The following TMIGD2 variants were observed in gnomAD, a reference collection of about 807,000 sequenced individuals.
TMIGD2 encodes transmembrane and immunoglobulin domain containing 2.
Under a neutral mutation model 22.6 loss-of-function variants are expected in TMIGD2, and 18 were observed. That is an observed-to-expected ratio of 0.80 (90% confidence interval 0.55 to 1.18). The LOEUF is 1.18. Among genes scored for constraint, TMIGD2 ranks in the 50% most tolerant of loss-of-function variants. TMIGD2 has a pLI of 0.00. For synonymous variants in TMIGD2, 184 were observed against 154.1 expected (o/e 1.19, Z -1.44); for missense variants, 361 against 378.2 (o/e 0.95, Z 0.38).
At chr19:4,298,015 C>T (rs773147408) in exon 2 of TMIGD2, 1 of 1,608,100 alleles carries the variant, frequency 6.2e-7, no homozygotes, top group Non-Finnish European at 8.5e-7. Flanking sequence ...TGTTATGTTG[C>T]CCTCAGCCTC....
In TMIGD2 at chr19:4,292,782, A is replaced by T; in HGVS notation, c.666T>A (p.Tyr222Ter). ...GGGCCGGTTGCGGGAAGGAGGTTGA[A>T]TAAATGCTCTGGCCCCTCTGGTCCT... The change falls in exon 5 of 5, where the codon TAT becomes TAA. Residue 222 changes from tyrosine to a stop codon, truncating the protein, a stop_gained. Coordinates refer to ENST00000301272, the Ensembl canonical transcript of TMIGD2. LOFTEE classifies it low-confidence loss of function (END_TRUNC). 6.2e-7 allele frequency: 1 copy of T among 1,611,774 alleles called. No homozygotes were observed. The highest frequency in any genetic ancestry group is 8.5e-7 in the Non-Finnish European group (1 of 1,179,510).
rs1971402773 is a variant in TMIGD2 at position 4,292,959 on chromosome 19, T to C, written c.563-74A>G. 1.9e-6 allele frequency: 3 copies of C among 1,545,784 alleles called. No individual in the cohort carries two copies. The South Asian group carries it at 3.6e-5, about 18-fold the overall frequency. On this transcript the variant is annotated intron_variant, in intron 4 of 4. Transcript: ENST00000301272. The stretch of plus-strand genomic sequence containing the variant: ...CTCTCCAGCTGACCTCTGGGGGATC[T>C]GTCTCTTTTTTTTTTTTTCTGTGAG...
chr19:4,292,977 T>G, intron 4 of TMIGD2, 92 bp from the exon 5 acceptor site: 3 of 1,459,614 alleles, frequency 2.1e-6, no homozygotes, highest in Admixed American at 2.2e-5. Context: ...TTTTTTTTTT[T>G]CTGTGAGACG....
intron 4 of TMIGD2, 137 bp downstream of exon 4, chr19:4,294,442 A>C: frequency 1.3e-6 from 1 of 792,330 alleles, no homozygotes; most frequent in Non-Finnish European, 2.1e-6. Context: ...TGAGCATAGG[A>C]TATAGGAGCC....
At chr19:4,300,797 C>T (rs1310924957) in intron 1 of TMIGD2, among the ~76,000 whole-genome samples, 3 of 152,210 alleles carry the variant, frequency 2.0e-5, no homozygotes, top group Non-Finnish European at 4.4e-5. Context: ...AGCGAGGAGG[C>T]CCGTGTGGCT....
At chr19:4,292,985 A>G (rs1971403665) in intron 4 of TMIGD2, 100 bp from the exon 5 acceptor site, 9 of 1,526,148 alleles carry the variant, frequency 5.9e-6, no homozygotes, top group Non-Finnish European at 7.9e-6. Flanking sequence ...TTTCTGTGAG[A>G]CGGAGTCTCA....
chr19:4,294,319 T>A (rs535101850), intron 4 of TMIGD2, among the ~76,000 whole-genome samples: 1 of 152,304 alleles, frequency 6.6e-6, no homozygotes, highest in African/African-American at 2.4e-5. Context: ...CCTCCCAAAA[T>A]GCTGGGATGA....
intron 1 of TMIGD2, among the ~76,000 whole-genome samples, chr19:4,300,398 A>T (rs145754911): frequency 0.011 from 1,609 of 151,646 alleles, 45 homozygotes; most frequent in African/African-American, 0.036. Flanking sequence ...CTCTACTAAA[A>T]ATACAAAAAT....
At chr19:4,297,786 C>T (rs113674560) in intron 2 of TMIGD2, among the ~76,000 whole-genome samples, 200 bp downstream of exon 2, 6,721 of 149,844 alleles carry the variant, frequency 0.045, 165 homozygotes, top group Middle Eastern at 0.11. Flanking sequence ...ACCTAGGAGG[C>T]GGAGGTTGCA....
At chr19:4,292,758 G>T (rs749012669) in exon 5 of TMIGD2, 3 of 1,610,928 alleles carry the variant, frequency 1.9e-6, no homozygotes, top group African/African-American at 2.7e-5. Flanking sequence ...GCTGGCGGGG[G>T]GCCGGTTGCG....
At chr19:4,295,042 C>G (rs1220793577) in intron 2 of TMIGD2, among the ~76,000 whole-genome samples, 2 of 151,796 alleles carry the variant, frequency 1.3e-5, no homozygotes, top group Non-Finnish European at 1.5e-5. Flanking sequence ...AGGAGGATCA[C>G]TCGAGGTCAG....
At chr19:4,294,455 G>A (rs567768166) in intron 4 of TMIGD2, 124 bp downstream of exon 4, 1 of 901,170 alleles carries the variant, frequency 1.1e-6, no homozygotes, top group Non-Finnish European at 1.8e-6. Context: ...TAGGAGCCAG[G>A]CTTCTCCTCC....
intron 4 of TMIGD2, 65 bp downstream of exon 4, chr19:4,294,514 G>A: frequency 6.7e-7 from 1 of 1,500,982 alleles, no homozygotes; most frequent in Non-Finnish European, 9.2e-7. Context: ...AGATGCAGTG[G>A]GTCTTTGTCA....
intron 1 of TMIGD2, among the ~76,000 whole-genome samples, chr19:4,300,012 GC>G (rs1341714695): frequency 6.6e-6 from 1 of 152,116 alleles, no homozygotes; most frequent in African/African-American, 2.4e-5. Context: ...TGTAATCCCA[GC>G]ACTTTGGGAG....
At chr19:4,295,907 A>G (rs1266672580) in intron 2 of TMIGD2, among the ~76,000 whole-genome samples, 1 of 151,914 alleles carries the variant, frequency 6.6e-6, no homozygotes, top group Non-Finnish European at 1.5e-5. Context: ...TGTGCTAAGC[A>G]TTGTTTTGTT....
exon 2 of TMIGD2, chr19:4,298,266 C>T: frequency 5.6e-6 from 9 of 1,611,548 alleles, no homozygotes; most frequent in Non-Finnish European, 7.6e-6. Context: ...CCTGGCAGAC[C>T]AGGGTCGCCT....
At chr19:4,292,885 C>T in exon 5 of TMIGD2, 2 of 1,613,558 alleles carry the variant, frequency 1.2e-6, no homozygotes. Context: ...GAATGCATTT[C>T]CTAGGATGGA....
Position 4,292,753 on chromosome 19 carries a change from C to CG in TMIGD2, c.694dup (p.Arg232ProfsTer33). 1 of 1,608,822 alleles carries CG rather than the reference C, an allele frequency of 6.2e-7. No individual in the cohort carries two copies. Among genetic ancestry groups the CG allele is most frequent in the East Asian group, 2.2e-5 (1 of 44,822 alleles). ...GGGTCTTGACGCCAGGTGCGGCTGGCGGGGGGCCGGTTGCGGGAAGGAGGT... is the reference window on the plus strand; with the variant it reads ...GGGTCTTGACGCCAGGTGCGGCTGGCGGGGGGGCCGGTTGCGGGAAGGAGGT... On this transcript the variant is annotated frameshift_variant, in exon 5 of 5. Transcript: ENST00000301272. LOFTEE classifies it low-confidence loss of function (END_TRUNC).
intron 1 of TMIGD2, among the ~76,000 whole-genome samples, chr19:4,301,142 T>C (rs1476022362): frequency 6.6e-6 from 1 of 152,086 alleles, no homozygotes; most frequent in Non-Finnish European, 1.5e-5. Flanking sequence ...CCAGCTAATT[T>C]TTGTATTTTT....
Sources: allele counts gnomAD v4.1 joint callset (sites outside exome capture counted in the v4.1 genomes callset), GRCh38; gene constraint gnomAD v4.1.1; transcripts MANE v1.5; gene names NCBI Gene and HGNC (gene_info 2026-07-23, HGNC 2026-07-21).